Variants in RERE observed in about 807,000 individuals in gnomAD.
RERE encodes the protein arginine-glutamic acid dipeptide repeats.
Under a neutral mutation model 146.1 loss-of-function variants are expected in RERE, and 40 were observed. That is an observed-to-expected ratio of 0.27 (90% confidence interval 0.21 to 0.36). The LOEUF (loss-of-function observed/expected upper bound fraction) is 0.36. RERE is among the 10% of genes least tolerant of loss of function. The pLI is 1.00. For missense variants in RERE, 1,933 were observed against 2,138.7 expected, an observed-to-expected ratio of 0.90 and a Z score of 1.90; for synonymous variants, 1,003 against 866.0, an observed-to-expected ratio of 1.16 and a Z score of -2.78.
chr1:8,494,197 C>T (rs1423344739), intron 10 of RERE, among the ~76,000 whole-genome samples: 1 of 152,288 alleles, frequency 6.6e-6, no homozygotes, highest in African/African-American at 2.4e-5. Flanking sequence ...TCGTGTAAAA[C>T]TTTTTATAGT....
chr1:8,594,811 G>T (rs1009121726), intron 4 of RERE, among the ~76,000 whole-genome samples: 5 of 152,180 alleles, frequency 3.3e-5, no homozygotes, highest in African/African-American at 1.2e-4. Context: ...GGTTGGCAGA[G>T]AGCCATCCCC....
rs184535332 is a variant in RERE at position 8,765,541 on chromosome 1, G to A, written c.-145+51619C>T. Among the ~76,000 whole-genome samples the A allele has an allele frequency of 3.8e-3, 578 of 152,230 alleles. 20 individuals carry two copies. Among genetic ancestry groups the A allele is most frequent in the Admixed American group, 0.036 (551 of 15,288 alleles). Reference sequence around the variant, plus strand: ...CTGTTATAAAACCAAACAAAAGGCCGGATGCGGTGGCTCATGTCTGTAATA... The same window carrying A: ...CTGTTATAAAACCAAACAAAAGGCCAGATGCGGTGGCTCATGTCTGTAATA... On this transcript the variant is annotated intron_variant, in intron 1 of 22. Coordinates refer to ENST00000400908, the MANE Select transcript of RERE (RefSeq NM_001042681.2).
intron 11 of RERE, chr1:8,434,651 C>G (rs1644143137): frequency 6.6e-6 from 1 of 152,162 alleles, no homozygotes; most frequent in South Asian, 2.1e-4. Context: ...AGAATGATAC[C>G]AGGTGACTTC....
At chr1:8,493,462 T>C (rs961181435) in intron 10 of RERE, among the ~76,000 whole-genome samples, 1 of 152,220 alleles carries the variant, frequency 6.6e-6, no homozygotes, top group Non-Finnish European at 1.5e-5. Context: ...TCAAATGTTA[T>C]ATCATACTCA....
At chr1:8,702,653 A>T (rs1458203925) in intron 1 of RERE, among the ~76,000 whole-genome samples, 6 of 152,218 alleles carry the variant, frequency 3.9e-5, no homozygotes, top group Non-Finnish European at 7.3e-5. Flanking sequence ...TAAAGCAATG[A>T]AGTTTCTGAT....
chr1:8,561,781 C>T (rs1360938203), intron 4 of RERE, among the ~76,000 whole-genome samples: 1 of 152,194 alleles, frequency 6.6e-6, no homozygotes, highest in Non-Finnish European at 1.5e-5. Flanking sequence ...TAAGTGTTCC[C>T]AGAGCTACCT....
At chr1:8,519,580 T>C (rs1482312157) in intron 7 of RERE, 1 of 152,124 alleles carries the variant, frequency 6.6e-6, no homozygotes, top group African/African-American at 2.4e-5. Flanking sequence ...AAATAAAAGA[T>C]GATTTATGGA....
chr1:8,401,441 C>CTAAA (rs988959004), intron 12 of RERE, among the ~76,000 whole-genome samples: 4 of 151,630 alleles, frequency 2.6e-5, no homozygotes, highest in Non-Finnish European at 5.9e-5. Flanking sequence ...GAACCTGTCA[C>CTAAA]TAAATAAATA....
chr1:8,698,333 C>G (rs1220040033), intron 1 of RERE, among the ~76,000 whole-genome samples: 1 of 152,326 alleles, frequency 6.6e-6, no homozygotes, highest in Non-Finnish European at 1.5e-5. Flanking sequence ...AAAAGGCACA[C>G]AAGTCACTAC....
At chr1:8,585,032 C>A (rs1198646715) in intron 4 of RERE, among the ~76,000 whole-genome samples, 1 of 151,546 alleles carries the variant, frequency 6.6e-6, no homozygotes, top group African/African-American at 2.4e-5. Context: ...GCCTGTGGTC[C>A]CAGCTACTGG....
intron 1 of RERE, among the ~76,000 whole-genome samples, chr1:8,815,899 C>G (rs1161892816): frequency 1.3e-5 from 2 of 151,788 alleles, no homozygotes; most frequent in Non-Finnish European, 2.9e-5. Context: ...CTTTTCCCTT[C>G]GACCTCAACA....
chr1:8,666,382 ACAGTC>A (rs1638573905), intron 1 of RERE, among the ~76,000 whole-genome samples: 1 of 152,206 alleles, frequency 6.6e-6, no homozygotes, highest in Non-Finnish European at 1.5e-5. Flanking sequence ...AGGCAAGGAG[ACAGTC>A]CACGTGTGGA....
At chr1:8,754,550 G>A (rs1640598758) in intron 1 of RERE, among the ~76,000 whole-genome samples, 1 of 152,166 alleles carries the variant, frequency 6.6e-6, no homozygotes, top group African/African-American at 2.4e-5. Context: ...GAGGGTGTAT[G>A]GGAGGAAATT....
In RERE at chr1:8,659,958, C is replaced by T. The variant is rs900224710; in HGVS notation, c.-144-3517G>A. Among the ~76,000 whole-genome samples the T allele has an allele frequency of 6.6e-4, 100 of 152,014 alleles. 1 individual carries two copies. Among genetic ancestry groups the T allele is most frequent in the Non-Finnish European group, 1.4e-3 (94 of 68,002 alleles). On this transcript the variant is annotated intron_variant, in intron 1 of 22. Transcript: ENST00000400908. ...AGAAACAATAAAGATGTCTATAAAA[C>T]AAAATCCAGTATATGTGTATATTTA...
At chr1:8,510,140 C>T (rs1645314748) in intron 7 of RERE, among the ~76,000 whole-genome samples, 1 of 152,060 alleles carries the variant, frequency 6.6e-6, no homozygotes, top group African/African-American at 2.4e-5. Context: ...GCCCAGTCAT[C>T]AAGAATCTTA....
At chr1:8,598,001 A>C (rs552546356) in intron 4 of RERE, among the ~76,000 whole-genome samples, 1 of 152,172 alleles carries the variant, frequency 6.6e-6, no homozygotes, top group African/African-American at 2.4e-5. Flanking sequence ...TAAAAGAGAA[A>C]TATGTCTCTA....
chr1:8,434,982 A>G (rs1369276050), intron 11 of RERE: 2 of 152,272 alleles, frequency 1.3e-5, no homozygotes, highest in Non-Finnish European at 1.5e-5. Context: ...TCCCACAGAA[A>G]CTGTGAAAGA....
At chr1:8,535,758 G>A (rs763876881) in intron 7 of RERE, among the ~76,000 whole-genome samples, 4 of 152,108 alleles carry the variant, frequency 2.6e-5, no homozygotes, top group Non-Finnish European at 5.9e-5. Context: ...CTTCTAGGAA[G>A]AGGAAGAGGA....
At chr1:8,441,630 T>C (rs1055025017) in intron 11 of RERE, among the ~76,000 whole-genome samples, 4 of 152,238 alleles carry the variant, frequency 2.6e-5, no homozygotes, top group African/African-American at 9.6e-5. Context: ...GAAAGTCATA[T>C]CTGACGACAA....
Sources: allele counts gnomAD v4.1 joint callset (sites outside exome capture counted in the v4.1 genomes callset), GRCh38; gene constraint gnomAD v4.1.1; transcripts MANE v1.5; gene names NCBI Gene and HGNC (gene_info 2026-07-23, HGNC 2026-07-21).